Variants in ARID4B observed in about 807,000 individuals in gnomAD.
The protein encoded by ARID4B is AT-rich interaction domain 4B.
Under a neutral mutation model 147.5 loss-of-function variants are expected in ARID4B, and 26 were observed. The observed-to-expected ratio is 0.18, with a 90% CI of 0.13 to 0.24. The LOEUF (loss-of-function observed/expected upper bound fraction) is 0.24, where lower values mean the gene tolerates loss of function less well. Ranked by LOEUF, ARID4B falls within the 10% of genes least tolerant of loss-of-function variation. The pLI is 1.00. For missense variants in ARID4B, 1,179 were observed against 1,511.5 expected, an observed-to-expected ratio of 0.78 and a Z score of 3.65; for synonymous variants, 512 against 507.9, an observed-to-expected ratio of 1.01 and a Z score of -0.11.
At chr1:235,179,159 A>G (rs1664099458) in intron 20 of ARID4B, among the ~76,000 whole-genome samples, 1 of 152,212 alleles carries the variant, frequency 6.6e-6, no homozygotes, top group African/African-American at 2.4e-5. Context: ...CTTAAATTTT[A>G]ACTTGTGATA....
At chr1:235,170,279 A>T (rs1199319170) in intron 23 of ARID4B, among the ~76,000 whole-genome samples, 1 of 152,204 alleles carries the variant, frequency 6.6e-6, no homozygotes, top group East Asian at 1.9e-4. Context: ...TTACCATGGC[A>T]GAGATAAGTA....
intron 2 of ARID4B, among the ~76,000 whole-genome samples, chr1:235,319,058 G>T (rs1674637785): frequency 6.6e-6 from 1 of 152,072 alleles, no homozygotes; most frequent in East Asian, 1.9e-4. Flanking sequence ...GGAAGTTGAG[G>T]GGGAAAGATC....
chr1:235,224,519 C>T (rs1667700185), intron 12 of ARID4B, among the ~76,000 whole-genome samples, 184 bp downstream of exon 12: 1 of 152,102 alleles, frequency 6.6e-6, no homozygotes, highest in Non-Finnish European at 1.5e-5. Flanking sequence ...AAAATGCTAT[C>T]AAATTCCTCA....
chr1:235,198,064 A>G (rs1470533339), intron 17 of ARID4B, among the ~76,000 whole-genome samples: 3 of 152,246 alleles, frequency 2.0e-5, no homozygotes, highest in African/African-American at 7.2e-5. Context: ...AGAAGTCAAG[A>G]TATCAACTTT....
At chr1:235,304,464 A>T (rs1198052820) in intron 2 of ARID4B, among the ~76,000 whole-genome samples, 1 of 152,242 alleles carries the variant, frequency 6.6e-6, no homozygotes, top group Non-Finnish European at 1.5e-5. Context: ...CCTTTTCATT[A>T]TCTTCTATAG....
rs1005259417 is a variant in ARID4B at position 235,326,899 on chromosome 1, C to T, written c.6+15G>A. 4 of 1,614,024 alleles carry T rather than the reference C, an allele frequency of 2.5e-6. No homozygotes were observed. The highest frequency in any genetic ancestry group is 1.1e-5 in the South Asian group (1 of 91,072). On this transcript the variant is annotated intron_variant, in intron 2 of 23. Transcript: ENST00000264183. Reference sequence around the variant, plus strand: ...TCGATAACCCCAGAGATTCGTTTTCCGCAGGCAATCTTACCTTCATGATGA... The same window carrying T: ...TCGATAACCCCAGAGATTCGTTTTCTGCAGGCAATCTTACCTTCATGATGA...
chr1:235,291,560 C>T (rs1263706814), intron 2 of ARID4B, among the ~76,000 whole-genome samples: 2 of 151,626 alleles, frequency 1.3e-5, no homozygotes, highest in South Asian at 2.1e-4. Flanking sequence ...CAAGGCTAGG[C>T]GTGGTGGCTC....
At position 235,221,734 on chromosome 1, in the gene ARID4B, T is replaced by C. The variant is rs1667475528; in HGVS notation, c.1066-72A>G. 4.7e-6 allele frequency: 3 copies of C among 642,400 alleles called. No homozygotes were observed. The South Asian group carries it at 7.8e-5, about 17-fold the overall frequency. 39.8% of individuals were successfully genotyped at this position (642,400 alleles called of 1,614,324 possible). ...TATAATAACATTTTGATAGACACAGTATATATGAGTATATTTTTATATTTA... is the reference window on the plus strand; with the variant it reads ...TATAATAACATTTTGATAGACACAGCATATATGAGTATATTTTTATATTTA... On this transcript the variant is annotated intron_variant, in intron 13 of 23. Transcript: ENST00000264183.
At chr1:235,311,185 C>T (rs1674022807) in intron 2 of ARID4B, among the ~76,000 whole-genome samples, 1 of 151,752 alleles carries the variant, frequency 6.6e-6, no homozygotes, top group Admixed American at 6.6e-5. Flanking sequence ...AGTGAGACCC[C>T]ATCTCTAGAA....
intron 2 of ARID4B, among the ~76,000 whole-genome samples, chr1:235,324,542 C>A (rs1675088042): frequency 6.6e-6 from 1 of 152,142 alleles, no homozygotes; most frequent in African/African-American, 2.4e-5. Context: ...GTCGTTAATA[C>A]AACAGACAAT....
intron 2 of ARID4B, among the ~76,000 whole-genome samples, chr1:235,314,674 C>T (rs1674307721): frequency 6.6e-6 from 1 of 152,012 alleles, no homozygotes; most frequent in African/African-American, 2.4e-5. Context: ...GAAACAACAG[C>T]AAGGTTCCTG....
intron 20 of ARID4B, chr1:235,180,872 A>C (rs1190433051): frequency 1.3e-5 from 2 of 156,440 alleles, no homozygotes; most frequent in Non-Finnish European, 2.8e-5. Context: ...GTGGTTTATA[A>C]GAAAAATGAT....
intron 6 of ARID4B, among the ~76,000 whole-genome samples, chr1:235,249,455 T>C (rs1669502544): frequency 6.6e-6 from 1 of 151,948 alleles, no homozygotes; most frequent in East Asian, 1.9e-4. Flanking sequence ...GGTAACATAC[T>C]CATTAAGCTG....
intron 2 of ARID4B, among the ~76,000 whole-genome samples, chr1:235,300,637 T>C (rs1234966581): frequency 6.6e-6 from 1 of 152,116 alleles, no homozygotes; most frequent in African/African-American, 2.4e-5. Flanking sequence ...TTAATTATTA[T>C]TATTATTACT....
intron 17 of ARID4B, among the ~76,000 whole-genome samples, chr1:235,196,373 C>T (rs1216373733): frequency 2.6e-5 from 4 of 152,172 alleles, no homozygotes; most frequent in Admixed American, 2.6e-4. Context: ...TCAACTAGCA[C>T]TGCTTACTCG....
intron 20 of ARID4B, 34 bp from the exon 21 acceptor site, chr1:235,177,947 A>G (rs1352301800): frequency 1.6e-6 from 2 of 1,216,804 alleles, no homozygotes; most frequent in Non-Finnish European, 1.2e-6. Context: ...AACACAAAAT[A>G]AAATCCAACA....
rs1669725224 is a variant in ARID4B, at chr1:235,252,814, G to A, written c.275-5C>T. On this transcript the variant is annotated splice_polypyrimidine_tract_variant and splice_region_variant and intron_variant, in intron 5 of 23. Coordinates refer to ENST00000264183, the MANE Select transcript of ARID4B (RefSeq NM_016374.6). ...TCTCATCTCCGTCATCAAAAACTAT[G>A]AGAGGGGGTAAAAATGGAAGCTACT... is the stretch of plus-strand genomic sequence containing the variant. 1 of 1,606,852 alleles carries A rather than the reference G, an allele frequency of 6.2e-7. No individual in the cohort carries two copies. The highest frequency in any genetic ancestry group is 8.5e-7 in the Non-Finnish European group (1 of 1,176,566).
chr1:235,213,141 C>T (rs1571990456), intron 17 of ARID4B, among the ~76,000 whole-genome samples: 1 of 152,092 alleles, frequency 6.6e-6, no homozygotes, highest in South Asian at 2.1e-4. Flanking sequence ...AGTCATTGAA[C>T]ATGACTTAAA....
intron 2 of ARID4B, among the ~76,000 whole-genome samples, chr1:235,306,749 G>A (rs1425167390): frequency 6.6e-5 from 10 of 151,890 alleles, no homozygotes; most frequent in East Asian, 1.9e-4. Context: ...TTCACCTCCC[G>A]GATTCAAGCG....
Sources: allele counts gnomAD v4.1 joint callset (sites outside exome capture counted in the v4.1 genomes callset), GRCh38; gene constraint gnomAD v4.1.1; transcripts MANE v1.5; gene names NCBI Gene and HGNC (gene_info 2026-07-23, HGNC 2026-07-21).